The following SMN2 variants were observed in gnomAD, a reference collection of about 807,000 sequenced individuals.
SMN2 encodes the protein survival of motor neuron 2, centromeric.
A neutral mutation model predicts 2.8 loss-of-function variants in SMN2; 1 was observed. That is an observed-to-expected ratio of 0.35 (90% CI 0.13 to 1.68). SMN2 has a LOEUF of 1.68. SMN2 is among the 40% of genes most tolerant of loss of function. The pLI is 0.35. For synonymous variants in SMN2, 5 were observed against 5.0 expected, an observed-to-expected ratio of 0.99 and a Z score of 0.01; for missense variants, 12 against 16.9, an observed-to-expected ratio of 0.71 and a Z score of 0.51.
intron 7 of SMN2, chr5:70,071,511 AT>A (rs1414136541): frequency 2.9e-4 from 34 of 118,290 alleles, no homozygotes; most frequent in African/African-American, 1.0e-3. Flanking sequence ...ATTTTATTTT[AT>A]TTTATTTTTT....
At chr5:70,075,860 TA>T (rs1324762685) in intron 7 of SMN2, among the ~76,000 whole-genome samples, 1 of 112,570 alleles carries the variant, frequency 8.9e-6, no homozygotes, top group African/African-American at 4.1e-5. Context: ...TTTATTTATT[TA>T]TTTTTTTTTG....
downstream of SMN2, among the ~76,000 whole-genome samples, chr5:70,082,127 G>A (rs1312446073): frequency 7.6e-6 from 1 of 131,880 alleles, no homozygotes; most frequent in Non-Finnish European, 1.6e-5. Context: ...TAATCATGTG[G>A]TTTTTGTCTT....
At chr5:70,084,904 G>A in the SMN2 span, among the ~76,000 whole-genome samples, 1 of 137,368 alleles carries the variant, frequency 7.3e-6, no homozygotes, top group East Asian at 2.1e-4. Context: ...GTTTTTCATG[G>A]ACATACACAG....
chr5:70,083,468 C>CT (rs1403537357), downstream of SMN2, among the ~76,000 whole-genome samples: 34 of 136,004 alleles, frequency 2.5e-4, no homozygotes, highest in Non-Finnish European at 3.1e-4. Context: ...ACCCAAAGGA[C>CT]TATAAATCAT....
the SMN2 span, among the ~76,000 whole-genome samples, chr5:70,085,031 G>C: frequency 7.3e-6 from 1 of 136,840 alleles, no homozygotes; most frequent in Non-Finnish European, 1.5e-5. Context: ...AGTTTATATA[G>C]TTCTACATTT....
At chr5:70,073,265 GT>G (rs1369186988) in intron 7 of SMN2, among the ~76,000 whole-genome samples, 1 of 3,228 alleles carries the variant, frequency 3.1e-4, no homozygotes, top group Non-Finnish European at 8.1e-4. Flanking sequence ...TAGGCAGTCA[GT>G]ACACTTTCTG....
intron 7 of SMN2, among the ~76,000 whole-genome samples, chr5:70,075,529 A>C (rs1478623470): frequency 1.6e-5 from 2 of 122,330 alleles, no homozygotes; most frequent in African/African-American, 3.4e-5. Flanking sequence ...TTGTATTTTT[A>C]GTAGAGTCGG....
chr5:70,071,517 T>TA (rs1491489756), intron 7 of SMN2: 1 of 86,160 alleles, frequency 1.2e-5, no homozygotes, highest in African/African-American at 8.7e-5. Context: ...TTTTATTTTA[T>TA]TTTTTTTTTT....
At chr5:70,083,815 G>A in the SMN2 span, among the ~76,000 whole-genome samples, 10 of 132,018 alleles carry the variant, frequency 7.6e-5, no homozygotes, top group South Asian at 2.3e-4. Flanking sequence ...GGTGGGGGGA[G>A]TGGGGAGGGA....
chr5:70,085,344 C>T, the SMN2 span, among the ~76,000 whole-genome samples: 4 of 133,614 alleles, frequency 3.0e-5, no homozygotes, highest in African/African-American at 9.7e-5. Context: ...CGGGTTCAAA[C>T]GATTCTCCTG....
Position 70,075,808 on chromosome 5 carries a change from G to C in SMN2, c.835-713G>C, listed in dbSNP as rs1429698312. Among the ~76,000 whole-genome samples the C allele has an allele frequency of 1.8e-5, 2 of 113,686 alleles. 1 individual carries two copies. Among genetic ancestry groups the C allele is most frequent in the Admixed American group, 1.8e-4 (2 of 11,278 alleles). The allele number at this position is 113,686 out of a possible 152,430, so 74.6% of individuals were successfully genotyped here. A position where few individuals can be genotyped will look rare whatever the true frequency, so the allele number is the denominator to read the frequency against. ...CTCACCTCAGTTTCCCGAGTAGCTG[G>C]GACTACAGTGATAATGCCACTGCAC... On this transcript the variant is annotated intron_variant, in intron 7 of 8. Coordinates refer to ENST00000380743, the MANE Select transcript of SMN2 (RefSeq NM_017411.4).
chr5:70,084,530 A>G, the SMN2 span, among the ~76,000 whole-genome samples: 1 of 137,416 alleles, frequency 7.3e-6, no homozygotes, highest in Admixed American at 7.3e-5. Flanking sequence ...TGTTTTCAGT[A>G]GAGGTTATAT....
downstream of SMN2, among the ~76,000 whole-genome samples, chr5:70,082,097 C>G (rs1310760263): frequency 8.9e-5 from 12 of 134,554 alleles, 2 homozygotes; most frequent in Non-Finnish European, 1.7e-4. Context: ...TGTCAAAGGC[C>G]TTTTCTGCAT....
At chr5:70,083,632 A>G in the SMN2 span, among the ~76,000 whole-genome samples, 1 of 135,788 alleles carries the variant, frequency 7.4e-6, no homozygotes, top group South Asian at 2.3e-4. Context: ...ATAAGAAATG[A>G]TGAGTTCATG....
downstream of SMN2, among the ~76,000 whole-genome samples, chr5:70,079,431 CAAAAAAAAAAAA>C (rs58866189): frequency 9.6e-6 from 1 of 103,898 alleles, no homozygotes. Flanking sequence ...GACTCCGTCT[CAAAAAAAAAAAA>C]AAAAAAAACA....
chr5:70,074,643 CAA>C (rs1254903770), intron 7 of SMN2, among the ~76,000 whole-genome samples: 1 of 106,938 alleles, frequency 9.4e-6, no homozygotes, highest in African/African-American at 3.5e-5. Flanking sequence ...AACTCCATCT[CAA>C]AAAAAAAAAA....
At chr5:70,088,377 G>A in the SMN2 span, among the ~76,000 whole-genome samples, 1 of 94,966 alleles carries the variant, frequency 1.1e-5, no homozygotes, top group Admixed American at 1.1e-4. Context: ...GGTTGGAAGA[G>A]TTTACAGGGC....
At chr5:70,083,246 C>G (rs561548076), downstream of SMN2, among the ~76,000 whole-genome samples, 1 of 108,164 alleles carries the variant, frequency 9.2e-6, no homozygotes, top group East Asian at 2.6e-4. Context: ...AATTTCTGTT[C>G]TTTTACGTTT....
At chr5:70,052,855 C>G (rs1774490432) in intron 1 of SMN2, among the ~76,000 whole-genome samples, 2 of 116,476 alleles carry the variant, frequency 1.7e-5, no homozygotes, top group African/African-American at 6.0e-5. Flanking sequence ...GTACTCCATC[C>G]TGGGCGACAA....
Sources: allele counts gnomAD v4.1 joint callset (sites outside exome capture counted in the v4.1 genomes callset), GRCh38; gene constraint gnomAD v4.1.1; transcripts MANE v1.5; gene names NCBI Gene and HGNC (gene_info 2026-07-23, HGNC 2026-07-21).